PALLD: variants seen among roughly 807,000 people sequenced by gnomAD.
PALLD encodes the protein palladin, cytoskeletal associated protein, also known as palladin.
In PALLD, 61 loss-of-function variants were observed where a neutral mutation model predicts 123.5. The ratio of observed to expected loss-of-function variants is 0.49; its 90% CI spans 0.40 to 0.61. The LOEUF (loss-of-function observed/expected upper bound fraction) is 0.61. Among genes scored for constraint, PALLD ranks in the 20% least tolerant of loss-of-function variants. The pLI is 0.00. For missense variants in PALLD, 1,273 were observed against 1,377.0 expected, an observed-to-expected ratio of 0.92 and a Z score of 1.20; for synonymous variants, 465 against 496.4, an observed-to-expected ratio of 0.94 and a Z score of 0.84.
intron 2 of PALLD, among the ~76,000 whole-genome samples, chr4:168,602,463 C>T (rs567696253): frequency 1.3e-5 from 2 of 152,280 alleles, no homozygotes; most frequent in East Asian, 3.9e-4. Flanking sequence ...ATACAAAAGA[C>T]TCCATACGTG....
At chr4:168,738,320 A>G (rs1192211776) in intron 10 of PALLD, among the ~76,000 whole-genome samples, 1 of 152,234 alleles carries the variant, frequency 6.6e-6, no homozygotes, top group East Asian at 1.9e-4. Flanking sequence ...AGGAGCCTCT[A>G]TGGAAGACAC....
At chr4:168,538,838 G>T (rs540367961) in intron 2 of PALLD, among the ~76,000 whole-genome samples, 3 of 152,162 alleles carry the variant, frequency 2.0e-5, no homozygotes, top group African/African-American at 4.8e-5. Context: ...GATTACCCGC[G>T]ATTGGTGTCT....
At chr4:168,826,820 C>A (rs1182669911) in intron 10 of PALLD, among the ~76,000 whole-genome samples, 2 of 152,144 alleles carry the variant, frequency 1.3e-5, no homozygotes, top group Non-Finnish European at 2.9e-5. Context: ...AATGAGAAAA[C>A]AAAACCTTTG....
intron 10 of PALLD, among the ~76,000 whole-genome samples, chr4:168,727,794 C>G (rs1786744243): frequency 6.6e-6 from 1 of 152,148 alleles, no homozygotes. Context: ...AAGCTGAGGT[C>G]AAGAAGGTTA....
chr4:168,873,630 T>G (rs903442866), intron 10 of PALLD, among the ~76,000 whole-genome samples: 21 of 152,254 alleles, frequency 1.4e-4, no homozygotes, highest in African/African-American at 5.1e-4. Context: ...AAAAGTGGTA[T>G]GTAGTAATAA....
chr4:168,690,566 T>C lies in PALLD; in HGVS notation c.1336-37T>C, dbSNP rs772725093. 2.5e-6 allele frequency: 4 copies of C among 1,613,738 alleles called. No individual in the cohort carries two copies. In the South Asian group the frequency reaches 4.4e-5, roughly 18 times the overall value. On this transcript the variant is annotated intron_variant, in intron 6 of 21. Transcript: ENST00000505667. ...GAAATTGCTTAAAAATGCACCAAAG[T>C]CTGATGGGGTTTTCCTTGAATTTCC...
Position 168,511,682 on chromosome 4 carries a change from T to C in PALLD, c.178T>C (p.Ser60Pro). Reference sequence around the variant, plus strand: ...CGACTCCGAAACAGAAGATTTTGACTCGGAAAAGGAGATCTCGCAGATTTT... The same window carrying C: ...CGACTCCGAAACAGAAGATTTTGACCCGGAAAAGGAGATCTCGCAGATTTT... ...IADSETEDFD[S>P]EKEISQIFST... is the part of the protein sequence containing the mutation. Residue 60 changes from serine to proline, a missense_variant, in exon 2 of 22, where the codon TCG (serine) becomes CCG (proline). Ser to Pro is a moderately conservative substitution (Grantham distance 74). This residue lies in a region of PALLD where 944 missense variants were observed against 954.5 expected (regional missense o/e 0.99). Coordinates refer to ENST00000505667, the MANE Select transcript of PALLD (RefSeq NM_001166108.2). 5 of 1,614,070 alleles carry C rather than the reference T, an allele frequency of 3.1e-6. No individual in the cohort carries two copies. Among genetic ancestry groups the C allele is most frequent in the Non-Finnish European group, 4.2e-6 (5 of 1,180,014 alleles).
chr4:168,753,189 C>A (rs974515885), intron 10 of PALLD, among the ~76,000 whole-genome samples: 1 of 152,118 alleles, frequency 6.6e-6, no homozygotes, highest in African/African-American at 2.4e-5. Context: ...CTCTTAATAT[C>A]AATAAACTAA....
chr4:168,598,699 G>A (rs1580500828), intron 2 of PALLD: 1 of 364,820 alleles, frequency 2.7e-6, no homozygotes. Context: ...TTCCACCTTT[G>A]TTTTGCAAGC....
rs768381767 is a variant in PALLD at position 168,891,036 on chromosome 4, C to G, written c.2079C>G (p.Asp693Glu). The change falls in exon 11 of 22, where the codon GAC becomes GAG. Residue 693 changes from aspartate (D) to glutamate (E), a missense_variant. Transcript: ENST00000505667. ...AACGAAAACTTCGCTTCAAGGAGGACCTCCTGAACAATGGCCAGCCGGTAC... is the reference window on the plus strand; with the variant it reads ...AACGAAAACTTCGCTTCAAGGAGGAGCTCCTGAACAATGGCCAGCCGGTAC... ...DLERKLRFKEDLLNNGQPRLT... is the reference protein window; with the variant it reads ...DLERKLRFKEELLNNGQPRLT... 6.2e-7 allele frequency: 1 copy of G among 1,614,130 alleles called. No individual in the cohort carries two copies. The highest frequency in any genetic ancestry group is 1.7e-5 in the Admixed American group (1 of 60,026).
At chr4:168,830,645 T>G (rs150407398) in intron 10 of PALLD, among the ~76,000 whole-genome samples, 3 of 152,388 alleles carry the variant, frequency 2.0e-5, no homozygotes, top group African/African-American at 7.2e-5. Flanking sequence ...TAACAATTTA[T>G]CTCTGGGAGT....
chr4:168,670,765 C>A (rs12505950), intron 3 of PALLD, among the ~76,000 whole-genome samples: 130 of 109,358 alleles, frequency 1.2e-3, no homozygotes, highest in South Asian at 2.1e-3. Context: ...ACAAAAAAAA[C>A]AAAAAAAAAC....
intron 10 of PALLD, among the ~76,000 whole-genome samples, chr4:168,726,037 C>T (rs1786549353): frequency 6.6e-6 from 1 of 152,110 alleles, no homozygotes; most frequent in African/African-American, 2.4e-5. Flanking sequence ...TATTCTATCA[C>T]AAAACAATTT....
chr4:168,621,727 C>G (rs1407957172), intron 2 of PALLD, among the ~76,000 whole-genome samples: 1 of 152,122 alleles, frequency 6.6e-6, no homozygotes, highest in Non-Finnish European at 1.5e-5. Flanking sequence ...ATTTGCCAAC[C>G]TCTCTCTTGG....
At chr4:168,698,621 C>T (rs61021568) in intron 8 of PALLD, among the ~76,000 whole-genome samples, 20,049 of 152,036 alleles carry the variant, frequency 0.13, 1,669 homozygotes, top group East Asian at 0.33. Flanking sequence ...ACTGCTCCAC[C>T]GAGTGAGCCT....
At chr4:168,760,103 C>T (rs1278788071) in intron 10 of PALLD, among the ~76,000 whole-genome samples, 1 of 152,096 alleles carries the variant, frequency 6.6e-6, no homozygotes, top group East Asian at 1.9e-4. Flanking sequence ...AGGCCTCTCT[C>T]CCTCCCTGGC....
At chr4:168,725,522 C>CTTTTTTTTTTTTTTT (rs1210834634) in intron 10 of PALLD, among the ~76,000 whole-genome samples, 2 of 91,654 alleles carry the variant, frequency 2.2e-5, no homozygotes, top group African/African-American at 4.3e-5. Flanking sequence ...TCTTTAATTT[C>CTTTTTTTTTTTTTTT]TTTTTTTTTT....
intron 10 of PALLD, among the ~76,000 whole-genome samples, chr4:168,782,534 A>T (rs1736070743): frequency 6.6e-6 from 1 of 152,202 alleles, no homozygotes; most frequent in Non-Finnish European, 1.5e-5. Flanking sequence ...GGACTCTATA[A>T]TAGGTATTTT....
intron 2 of PALLD, among the ~76,000 whole-genome samples, chr4:168,587,380 T>C (rs1770939066): frequency 6.6e-6 from 1 of 152,170 alleles, no homozygotes. Context: ...AACACACCAA[T>C]ATACTTTCAC....
Sources: gnomAD v4.1 joint callset for allele counts (sites outside exome capture counted in the v4.1 genomes callset) on GRCh38, gnomAD v4.1.1 for gene constraint, gnomAD v4.1.1 regional missense constraint, MANE v1.5 for transcripts, NCBI Gene and HGNC (gene_info 2026-07-23, HGNC 2026-07-21) for gene names.